Variants in GJC1 observed in about 807,000 individuals in gnomAD.
The protein encoded by GJC1 is gap junction gamma-1 protein.
Under a neutral mutation model 29.3 loss-of-function variants are expected in GJC1, and 5 were observed. The ratio of observed to expected loss-of-function variants is 0.17; its 90% CI spans 0.09 to 0.36. The LOEUF is 0.36. Ranked by LOEUF, GJC1 falls within the 10% of genes least tolerant of loss-of-function variation. GJC1 has a pLI of 1.00. For synonymous variants in GJC1, 177 were observed against 183.3 expected (o/e 0.97, Z 0.28); for missense variants, 310 against 496.2 (o/e 0.62, Z 3.56).
At position 44,804,211 on chromosome 17, in the gene GJC1, T is replaced by C. The variant is rs1189465417; in HGVS notation, c.*416A>G. 2 of 161,366 alleles carry C rather than the reference T, an allele frequency of 1.2e-5. No homozygotes were observed. The highest frequency in any genetic ancestry group is 1.8e-4 in the East Asian group (1 of 5,504). The allele number at this position is 161,366 out of a possible 1,614,324, so 10.0% of individuals were successfully genotyped here. A position where few individuals can be genotyped will look rare whatever the true frequency, so the allele number is the denominator to read the frequency against. On this transcript the variant is annotated 3_prime_UTR_variant, in exon 3 of 3. Coordinates refer to ENST00000592524, the MANE Select transcript of GJC1 (RefSeq NM_005497.4). ...GAACAAAGTAATAGCACTAGCCTAATAGGCATTATTTATAAGGACTTTTTC... is the reference window on the plus strand; with the variant it reads ...GAACAAAGTAATAGCACTAGCCTAACAGGCATTATTTATAAGGACTTTTTC...
intron 1 of GJC1, among the ~76,000 whole-genome samples, chr17:44,829,135 C>A (rs1346814484): frequency 1.3e-5 from 2 of 151,592 alleles, no homozygotes; most frequent in African/African-American, 4.8e-5. Context: ...TAAGCATGAG[C>A]ATAATGAAAT....
At position 44,805,032 on chromosome 17, in the gene GJC1, T is replaced by C. The variant is rs755501283; in HGVS notation, c.786A>G (p.Leu262=). 4.3e-6 allele frequency: 7 copies of C among 1,613,954 alleles called. No individual in the cohort carries two copies. Among genetic ancestry groups the C allele is most frequent in the South Asian group, 2.2e-5 (2 of 91,086 alleles). Residue 262 remains leucine (L), a synonymous_variant, in exon 3 of 3, where the codon CTA becomes CTG. Coordinates refer to ENST00000592524, the MANE Select transcript of GJC1 (RefSeq NM_005497.4). The surrounding 1 kb of genome is among the most constrained non-coding windows in gnomAD (Gnocchi z 5.1). ...HLGFGTIRDS[L]NSKRRELEDP... is the part of the protein sequence containing the mutation. ...CCTCAAGTTCCCTCCTTTTACTGTT[T>C]AGTGAGTCTCGAATGGTCCCAAACC...
chr17:44,821,226 GTC>G (rs2050102317), intron 1 of GJC1, among the ~76,000 whole-genome samples: 1 of 152,196 alleles, frequency 6.6e-6, no homozygotes, highest in African/African-American at 2.4e-5. Context: ...AAGTGGAACT[GTC>G]TTCATGCAAA....
At chr17:44,830,310 T>TGGGGGC (rs1209904615), upstream of GJC1, 1 of 151,278 alleles carries the variant, frequency 6.6e-6, no homozygotes, top group Non-Finnish European at 1.5e-5. The surrounding 1 kb of genome is among the most constrained non-coding windows in gnomAD (Gnocchi z 4.3). Context: ...CGCGCTGCGG[T>TGGGGGC]GGGGGCGGGG....
chr17:44,824,352 T>C (rs2050145543), intron 1 of GJC1, among the ~76,000 whole-genome samples: 1 of 151,788 alleles, frequency 6.6e-6, no homozygotes, highest in Admixed American at 6.6e-5. Context: ...CAGGGTGGAG[T>C]GCATGGTGTG....
upstream of GJC1, among the ~76,000 whole-genome samples, chr17:44,831,162 A>G (rs1008939642): frequency 6.6e-6 from 1 of 152,196 alleles, no homozygotes; most frequent in African/African-American, 2.4e-5. Flanking sequence ...CTGCAAGTCA[A>G]ACTCCCCCAC....
chr17:44,805,046 T>C lies in GJC1; in HGVS notation c.772A>G (p.Ile258Val). ...CTTTTACTGTTTAGTGAGTCTCGAA[T>C]GGTCCCAAACCCTAAATGAAGCATC... ...WEMLHLGFGT[I>V]RDSLNSKRRE... Residue 258 changes from isoleucine to valine, a missense_variant, in exon 3 of 3, where the codon ATT (isoleucine) becomes GTT (valine). By Grantham distance (29) the Ile-to-Val change is conservative. This residue lies in a region of GJC1 where 45 missense variants were observed against 126.2 expected (regional missense o/e 0.36). Coordinates refer to ENST00000592524, the MANE Select transcript of GJC1 (RefSeq NM_005497.4). The surrounding 1 kb of genome is among the most constrained non-coding windows in gnomAD (Gnocchi z 5.1). 1 of 1,614,084 alleles carries C rather than the reference T, an allele frequency of 6.2e-7. No individual in the cohort carries two copies. Among genetic ancestry groups the C allele is most frequent in the Non-Finnish European group, 8.5e-7 (1 of 1,180,030 alleles).
intron 1 of GJC1, among the ~76,000 whole-genome samples, chr17:44,813,562 A>AGCTT (rs2050009261): frequency 2.9e-5 from 4 of 136,348 alleles, no homozygotes; most frequent in Non-Finnish European, 4.6e-5. Context: ...CCACGATCTC[A>AGCTT]ACTTACTGCA....
chr17:44,810,105 AC>A (rs2049959787), intron 1 of GJC1, among the ~76,000 whole-genome samples: 1 of 134,458 alleles, frequency 7.4e-6, no homozygotes, highest in Non-Finnish European at 1.6e-5. Flanking sequence ...CTCGTGATCC[AC>A]CCGCCTCGGC....
chr17:44,818,666 G>A (rs1446354678), intron 1 of GJC1, among the ~76,000 whole-genome samples: 1 of 151,782 alleles, frequency 6.6e-6, no homozygotes, highest in Non-Finnish European at 1.5e-5. Flanking sequence ...CCAGGCCTGG[G>A]CTACTGTAAT....
chr17:44,820,268 T>C (rs947087191), intron 1 of GJC1, among the ~76,000 whole-genome samples: 2 of 152,122 alleles, frequency 1.3e-5, no homozygotes, highest in Non-Finnish European at 2.9e-5. Context: ...GGGCGAAAAG[T>C]GATTCTTAAC....
At chr17:44,808,520 G>A (rs954457192) in intron 1 of GJC1, among the ~76,000 whole-genome samples, 5 of 152,108 alleles carry the variant, frequency 3.3e-5, no homozygotes, top group Admixed American at 1.3e-4. Flanking sequence ...GGAGGCCAAG[G>A]TGGGGGGATC....
At chr17:44,813,972 TAC>T (rs1417734544) in intron 1 of GJC1, among the ~76,000 whole-genome samples, 2 of 152,152 alleles carry the variant, frequency 1.3e-5, no homozygotes, top group Admixed American at 1.3e-4. Flanking sequence ...CTTACAATGT[TAC>T]AGAGTACAAT....
chr17:44,798,395 CA>C (rs1305438591), downstream of GJC1: 5 of 152,158 alleles, frequency 3.3e-5, no homozygotes, highest in African/African-American at 1.2e-4. Context: ...CATTACCTGG[CA>C]GCTGATTTTC....
rs373548211 is a variant in GJC1 at position 44,819,002 on chromosome 17, A to C, written c.-97+11060T>G. Among the ~76,000 whole-genome samples the C allele has an allele frequency of 3.0e-3, 445 of 150,632 alleles. 1 individual carries two copies. The highest frequency in any genetic ancestry group is 8.7e-3 in the African/African-American group (358 of 40,946). ...AAGTTTTTCAAATCAAGCACTAAAA[A>C]CCCCCCTCATTAACTTGTGTCCTGT... On this transcript the variant is annotated intron_variant, in intron 1 of 2. Transcript: ENST00000592524.
chr17:44,809,434 C>G (rs970765194), intron 1 of GJC1, among the ~76,000 whole-genome samples: 1 of 152,170 alleles, frequency 6.6e-6, no homozygotes, highest in East Asian at 1.9e-4. Context: ...TGATTCTCAT[C>G]CACAAATTCT....
intron 1 of GJC1, among the ~76,000 whole-genome samples, chr17:44,810,478 G>A (rs549580394): frequency 6.6e-6 from 1 of 152,174 alleles, no homozygotes; most frequent in South Asian, 2.1e-4. Flanking sequence ...TGCAGACGTG[G>A]AAAATGCTGA....
In GJC1 at chr17:44,800,274, AATTTTTGGT is replaced by A. The variant is rs1264112650; in HGVS notation, c.*4344_*4352del. 6.6e-6 allele frequency: 1 copy of A among 152,014 alleles called. No individual in the cohort carries two copies. Among genetic ancestry groups the A allele is most frequent in the Non-Finnish European group, 1.5e-5 (1 of 68,026 alleles). 9.4% of individuals were successfully genotyped at this position (152,014 alleles called of 1,614,324 possible). ...CAGGTACCCACCACCACGCCCGGCT[AATTTTTGGT>A]ATTTTTAGTAGAGACGGGGTTTCAC... On this transcript the variant is annotated 3_prime_UTR_variant, in exon 3 of 3. Transcript: ENST00000592524.
chr17:44,797,287 T>C (rs1269270430), downstream of GJC1, among the ~76,000 whole-genome samples: 1 of 152,114 alleles, frequency 6.6e-6, no homozygotes, highest in African/African-American at 2.4e-5. Flanking sequence ...TTTGTATTTT[T>C]AGTAGAGATG....
Sources: allele counts gnomAD v4.1 joint callset (sites outside exome capture counted in the v4.1 genomes callset), GRCh38; gene constraint gnomAD v4.1.1; regional missense constraint gnomAD v4.1.1; non-coding constraint Gnocchi (gnomAD v3.1); transcripts MANE v1.5; gene names NCBI Gene and HGNC (gene_info 2026-07-23, HGNC 2026-07-21).